COL5A2: variants seen among roughly 807,000 people sequenced by gnomAD.
The protein encoded by COL5A2 is collagen type V alpha 2 chain.
COL5A2 carries 23 observed loss-of-function variants against 208.2 expected under a neutral mutation model. The ratio of observed to expected loss-of-function variants is 0.11; its 90% CI spans 0.08 to 0.16. The LOEUF (loss-of-function observed/expected upper bound fraction) is 0.16, where lower values mean the gene tolerates loss of function less well. Ranked by LOEUF, COL5A2 falls within the 10% of genes least tolerant of loss-of-function variation. The pLI, the probability that COL5A2 is intolerant of heterozygous loss-of-function variation, is 1.00. For synonymous variants in COL5A2, 625 were observed against 628.5 expected, an observed-to-expected ratio of 0.99 and a Z score of 0.08; for missense variants, 1,590 against 1,956.4, an observed-to-expected ratio of 0.81 and a Z score of 3.53.
chr2:189,358,003 C>G, the COL5A2 span, among the ~76,000 whole-genome samples: 1 of 152,110 alleles, frequency 6.6e-6, no homozygotes, highest in Non-Finnish European at 1.5e-5. Flanking sequence ...CTTGCACCTC[C>G]CAGGTGAGGT....
intron 30 of COL5A2, among the ~76,000 whole-genome samples, chr2:189,061,293 T>C (rs1686027036): frequency 6.6e-6 from 1 of 152,158 alleles, no homozygotes; most frequent in Non-Finnish European, 1.5e-5. Flanking sequence ...TCAGAAACAT[T>C]TTATTCCTGA....
At chr2:189,430,587 A>C in the COL5A2 span, among the ~76,000 whole-genome samples, 1 of 152,240 alleles carries the variant, frequency 6.6e-6, no homozygotes, top group African/African-American at 2.4e-5. Context: ...AGCATTGCTC[A>C]CTGCTAGTGC....
chr2:189,213,387 C>A (rs1026849411), intron 1 of COL5A2, among the ~76,000 whole-genome samples: 2 of 152,132 alleles, frequency 1.3e-5, no homozygotes, highest in Non-Finnish European at 2.9e-5. Flanking sequence ...AATATTCCTA[C>A]AAACACTGAA....
At chr2:189,352,750 C>T in the COL5A2 span, among the ~76,000 whole-genome samples, 1 of 152,174 alleles carries the variant, frequency 6.6e-6, no homozygotes, top group Non-Finnish European at 1.5e-5. Flanking sequence ...CCTGTTCACT[C>T]TGATGATAGT....
At chr2:189,049,547 C>T in intron 43 of COL5A2, 93 bp from the exon 44 acceptor site, 1 of 899,390 alleles carries the variant, frequency 1.1e-6, no homozygotes, top group African/African-American at 1.7e-5. Context: ...TGCCTCTGGG[C>T]TCCTTCTATA....
At chr2:189,258,936 T>A in the COL5A2 span, among the ~76,000 whole-genome samples, 1 of 152,174 alleles carries the variant, frequency 6.6e-6, no homozygotes, top group South Asian at 2.1e-4. Flanking sequence ...GCAAATTACC[T>A]GCCAAATCTT....
intron 1 of COL5A2, among the ~76,000 whole-genome samples, chr2:189,141,579 T>C (rs1486124943): frequency 6.6e-6 from 1 of 152,152 alleles, no homozygotes; most frequent in South Asian, 2.1e-4. Context: ...TACCAAAAAA[T>C]GTAAAATAAG....
chr2:189,032,538 A>G lies in COL5A2; in HGVS notation c.*1532T>C, dbSNP rs1685356414. 1 of 152,164 alleles carries G rather than the reference A, an allele frequency of 6.6e-6. No homozygotes were observed. Among genetic ancestry groups the G allele is most frequent in the East Asian group, 1.9e-4 (1 of 5,188 alleles). The allele number at this position is 152,164 out of a possible 1,614,324, so 9.4% of individuals were successfully genotyped here. ...CTGACATGACAAAAGCGTGCATTTAATTTGATGCTTTGCAGAGATACATGA... is the reference window on the plus strand; with the variant it reads ...CTGACATGACAAAAGCGTGCATTTAGTTTGATGCTTTGCAGAGATACATGA... On this transcript the variant is annotated 3_prime_UTR_variant, in exon 54 of 54. Coordinates refer to ENST00000374866, the MANE Select transcript of COL5A2 (RefSeq NM_000393.5).
chr2:189,243,959 G>A, the COL5A2 span, among the ~76,000 whole-genome samples: 2 of 152,190 alleles, frequency 1.3e-5, no homozygotes, highest in Admixed American at 1.3e-4. Context: ...GCCACAGCCT[G>A]AGCTCTACAT....
At chr2:189,088,345 TTTC>T (rs1686709529) in intron 8 of COL5A2, among the ~76,000 whole-genome samples, 1 of 152,166 alleles carries the variant, frequency 6.6e-6, no homozygotes, top group Non-Finnish European at 1.5e-5. Context: ...CAAACCACTG[TTTC>T]TAAGAGCACC....
chr2:189,334,817 C>T, the COL5A2 span, among the ~76,000 whole-genome samples: 5 of 151,912 alleles, frequency 3.3e-5, no homozygotes, highest in Admixed American at 6.5e-5. Context: ...GCTTGCATTA[C>T]CTGATTTCAA....
At chr2:189,102,418 G>A (rs569601720) in intron 3 of COL5A2, among the ~76,000 whole-genome samples, 97 of 152,092 alleles carry the variant, frequency 6.4e-4, no homozygotes, top group Admixed American at 2.4e-3. Flanking sequence ...TGATTCTATA[G>A]ATTTCTTATT....
At chr2:189,202,244 G>C (rs1051706966) in intron 1 of COL5A2, among the ~76,000 whole-genome samples, 8 of 152,000 alleles carry the variant, frequency 5.3e-5, no homozygotes, top group African/African-American at 7.2e-5. Context: ...GCAAAAGCAA[G>C]AGAGTAGAAA....
chr2:189,132,413 TA>T (rs1687733784), intron 1 of COL5A2, among the ~76,000 whole-genome samples: 1 of 152,240 alleles, frequency 6.6e-6, no homozygotes, highest in African/African-American at 2.4e-5. Flanking sequence ...TGCATAGACT[TA>T]TTAGTCCTGG....
chr2:189,232,218 A>G, the COL5A2 span, among the ~76,000 whole-genome samples: 1 of 151,806 alleles, frequency 6.6e-6, no homozygotes, highest in African/African-American at 2.4e-5. Context: ...TGTGCAAACT[A>G]GAGACATAGA....
At chr2:189,225,291 G>A (rs2105882772) in exon 1 of COL5A2, among the ~76,000 whole-genome samples, 1 of 152,196 alleles carries the variant, frequency 6.6e-6, no homozygotes, top group East Asian at 1.9e-4. Flanking sequence ...AGTGGCAGGT[G>A]GCCAGAGTTC....
chr2:189,238,381 C>T, the COL5A2 span, among the ~76,000 whole-genome samples: 1 of 151,914 alleles, frequency 6.6e-6, no homozygotes, highest in African/African-American at 2.4e-5. Flanking sequence ...GGATCATGAA[C>T]CTGAAGCATT....
the COL5A2 span, among the ~76,000 whole-genome samples, chr2:189,241,942 C>A: frequency 6.6e-6 from 1 of 152,100 alleles, no homozygotes; most frequent in Non-Finnish European, 1.5e-5. Flanking sequence ...ATTTTATGTA[C>A]TTTTCTTTGA....
the COL5A2 span, among the ~76,000 whole-genome samples, chr2:189,434,165 T>C: frequency 6.6e-6 from 1 of 152,158 alleles, no homozygotes; most frequent in Non-Finnish European, 1.5e-5. Context: ...AATTAGGTAT[T>C]GATGGGATGT....
Sources: gnomAD v4.1 joint callset for allele counts (sites outside exome capture counted in the v4.1 genomes callset) on GRCh38, gnomAD v4.1.1 for gene constraint, MANE v1.5 for transcripts, NCBI Gene and HGNC (gene_info 2026-07-23, HGNC 2026-07-21) for gene names.